SORCS3: variants seen among roughly 807,000 people sequenced by gnomAD.
SORCS3 encodes sortilin related VPS10 domain containing receptor 3.
SORCS3 carries 57 observed loss-of-function variants against 146.3 expected under a neutral mutation model. The ratio of observed to expected loss-of-function variants is 0.39; its 90% CI spans 0.31 to 0.49. The LOEUF (loss-of-function observed/expected upper bound fraction) is 0.49, where lower values mean the gene tolerates loss of function less well. Among genes scored for constraint, SORCS3 ranks in the 20% least tolerant of loss-of-function variants. The pLI is 0.92. For missense variants in SORCS3, 1,341 were observed against 1,575.5 expected, an observed-to-expected ratio of 0.85 and a Z score of 2.52; for synonymous variants, 653 against 618.5, an observed-to-expected ratio of 1.06 and a Z score of -0.83.
chr10:105,232,567 T>C (rs2056771544), intron 20 of SORCS3, among the ~76,000 whole-genome samples: 1 of 151,912 alleles, frequency 6.6e-6, no homozygotes, highest in Non-Finnish European at 1.5e-5. Context: ...ATTATTTCTT[T>C]TTTTCTGCTT....
chr10:104,810,935 A>G (rs1480883939), intron 1 of SORCS3, among the ~76,000 whole-genome samples: 2 of 152,214 alleles, frequency 1.3e-5, no homozygotes, highest in African/African-American at 4.8e-5. Flanking sequence ...GTTACACAAT[A>G]TCATGCATTT....
At chr10:104,822,040 A>G (rs1436929381) in intron 1 of SORCS3, 1 of 514,076 alleles carries the variant, frequency 1.9e-6, no homozygotes, top group African/African-American at 1.9e-5. Flanking sequence ...TGCAAGGTCC[A>G]CATTTGTTTC....
chr10:104,858,869 C>A (rs558678242), intron 2 of SORCS3, among the ~76,000 whole-genome samples: 64 of 150,728 alleles, frequency 4.2e-4, no homozygotes, highest in Non-Finnish European at 1.6e-4. Context: ...GATCCGCCCC[C>A]CTCAGCCTCC....
intron 2 of SORCS3, among the ~76,000 whole-genome samples, chr10:104,847,363 A>C (rs946929624): frequency 3.9e-5 from 6 of 152,208 alleles, no homozygotes; most frequent in African/African-American, 1.4e-4. Flanking sequence ...TGTCTTGGAC[A>C]TGAGCCCTTG....
chr10:104,780,542 G>A (rs2017362425), intron 1 of SORCS3, among the ~76,000 whole-genome samples: 1 of 152,206 alleles, frequency 6.6e-6, no homozygotes, highest in Non-Finnish European at 1.5e-5. Flanking sequence ...TGCTTTGTTA[G>A]ATGAACAGGT....
At chr10:104,783,713 C>A (rs895807433) in intron 1 of SORCS3, among the ~76,000 whole-genome samples, 1 of 151,694 alleles carries the variant, frequency 6.6e-6, no homozygotes, top group East Asian at 1.9e-4. Context: ...GGCAACAGTG[C>A]GAGACTCCGT....
chr10:105,125,339 C>T (rs2133768210), intron 7 of SORCS3, among the ~76,000 whole-genome samples: 1 of 152,250 alleles, frequency 6.6e-6, no homozygotes, highest in East Asian at 1.9e-4. Context: ...ATGAGCTAGG[C>T]TTATGAATTA....
chr10:104,907,829 G>A (rs1254536163), intron 2 of SORCS3, among the ~76,000 whole-genome samples: 1 of 152,204 alleles, frequency 6.6e-6, no homozygotes, highest in Non-Finnish European at 1.5e-5. Context: ...ATACCCACTT[G>A]GAGAATGAAG....
chr10:105,152,056 T>C (rs2056171387), intron 9 of SORCS3, among the ~76,000 whole-genome samples: 1 of 152,182 alleles, frequency 6.6e-6, no homozygotes, highest in Non-Finnish European at 1.5e-5. Context: ...AAACTACATT[T>C]CTTTTTAATT....
At chr10:105,145,494 C>T (rs1319398873) in intron 8 of SORCS3, among the ~76,000 whole-genome samples, 1 of 152,086 alleles carries the variant, frequency 6.6e-6, no homozygotes, top group Admixed American at 6.6e-5. Flanking sequence ...ATTTCTTTTA[C>T]ATTAGTTTAG....
At chr10:104,921,024 G>A (rs1450683556) in intron 3 of SORCS3, among the ~76,000 whole-genome samples, 1 of 152,218 alleles carries the variant, frequency 6.6e-6, no homozygotes, top group Non-Finnish European at 1.5e-5. Context: ...ACTTGAAGAT[G>A]AGGAATAGTA....
At position 105,138,660 on chromosome 10, in the gene SORCS3, A is replaced by C. The variant is rs1168117888; in HGVS notation, c.1213-737A>C. On this transcript the variant is annotated intron_variant, in intron 7 of 26. Transcript: ENST00000369701. The stretch of plus-strand genomic sequence containing the variant: ...CAGGGCTTTTCAGCAGGCCCTGGCC[A>C]GAGGACCATTTCTTGGCGTGGTTTC... 2.0e-5 allele frequency among the ~76,000 whole-genome samples: 3 copies of C among 152,234 alleles called. No homozygotes were observed. The East Asian group carries it at 5.8e-4, about 29-fold the overall frequency.
At chr10:104,913,790 C>T (rs1377748808) in intron 2 of SORCS3, among the ~76,000 whole-genome samples, 36 of 115,832 alleles carry the variant, frequency 3.1e-4, no homozygotes, top group East Asian at 1.1e-3. Flanking sequence ...TTTTTTTTTC[C>T]GAGACGGAGT....
intron 1 of SORCS3, among the ~76,000 whole-genome samples, chr10:104,697,038 A>T (rs2016224809): frequency 6.6e-6 from 1 of 151,682 alleles, no homozygotes; most frequent in Non-Finnish European, 1.5e-5. Context: ...AGTTCTGGGG[A>T]TCTAATGTCC....
intron 5 of SORCS3, among the ~76,000 whole-genome samples, chr10:105,079,182 G>T (rs1182029874): frequency 2.0e-5 from 3 of 152,160 alleles, no homozygotes; most frequent in Non-Finnish European, 4.4e-5. Flanking sequence ...GTTCCAACAA[G>T]CCCACCAGAA....
chr10:104,912,635 A>C (rs1431132303), intron 2 of SORCS3, among the ~76,000 whole-genome samples: 1 of 152,212 alleles, frequency 6.6e-6, no homozygotes, highest in Non-Finnish European at 1.5e-5. Context: ...TCATTCATCC[A>C]TTCATTCTTA....
intron 1 of SORCS3, among the ~76,000 whole-genome samples, chr10:104,731,036 G>GT (rs1461924105): frequency 6.6e-6 from 1 of 152,176 alleles, no homozygotes; most frequent in Non-Finnish European, 1.5e-5. Context: ...GATGCAGAGT[G>GT]TATTTATCAT....
intron 12 of SORCS3, among the ~76,000 whole-genome samples, chr10:105,165,383 G>A (rs1197252247): frequency 6.6e-6 from 1 of 152,168 alleles, no homozygotes; most frequent in Non-Finnish European, 1.5e-5. Flanking sequence ...TCTCCGTGGA[G>A]AAGACAAGAG....
chr10:104,892,238 G>A (rs2018756319), intron 2 of SORCS3, among the ~76,000 whole-genome samples: 1 of 152,186 alleles, frequency 6.6e-6, no homozygotes, highest in Admixed American at 6.5e-5. Context: ...TCAGTGCTGT[G>A]TTTAGGGAGA....
Sources: gnomAD v4.1 joint callset for allele counts (sites outside exome capture counted in the v4.1 genomes callset) on GRCh38, gnomAD v4.1.1 for gene constraint, MANE v1.5 for transcripts, NCBI Gene and HGNC (gene_info 2026-07-23, HGNC 2026-07-21) for gene names.